Variants in PXDN observed in about 807,000 individuals in gnomAD.
PXDN encodes peroxidasin, also known as peroxidasin homolog.
PXDN carries 77 observed loss-of-function variants against 140.3 expected under a neutral mutation model. The ratio of observed to expected loss-of-function variants is 0.55; its 90% CI spans 0.46 to 0.66. The LOEUF is 0.66. Ranked by LOEUF, PXDN falls within the 30% of genes least tolerant of loss-of-function variation. PXDN has a pLI of 0.00. For missense variants in PXDN, 1,838 were observed against 2,039.5 expected (o/e 0.90, Z 1.90); for synonymous variants, 911 against 857.4 (o/e 1.06, Z -1.09).
rs1683973523 is a variant in PXDN, at chr2:1,683,604, A to T, written c.560+52T>A. 3.6e-6 allele frequency: 4 copies of T among 1,109,512 alleles called. No individual in the cohort carries two copies. The Admixed American group carries it at 1.3e-4, about 37-fold the overall frequency. 68.7% of individuals were successfully genotyped at this position (1,109,512 alleles called of 1,614,324 possible). ...AAAAAGAACCAGGTGAATAGATAACAGAGAGAAAGAAGGCTTTGCAGCAAA... is the reference window on the plus strand; with the variant it reads ...AAAAAGAACCAGGTGAATAGATAACTGAGAGAAAGAAGGCTTTGCAGCAAA... On this transcript the variant is annotated intron_variant, in intron 6 of 22. Transcript: ENST00000252804.
At chr2:1,744,748 C>G (rs915018412), upstream of PXDN, 4 of 264,422 alleles carry the variant, frequency 1.5e-5, no homozygotes, top group Admixed American at 1.1e-4. Flanking sequence ...ATTCTGCGCT[C>G]GAGACTCGGG....
chr2:1,725,962 A>G (rs1292416757), intron 1 of PXDN, among the ~76,000 whole-genome samples: 1 of 149,590 alleles, frequency 6.7e-6, no homozygotes, highest in Non-Finnish European at 1.5e-5. Context: ...AAATAGGAAC[A>G]CTTTTACACC....
rs752768393 is a variant in PXDN, at chr2:1,649,662, G to A, written c.2118C>T (p.Asn706=). 8.7e-6 allele frequency: 14 copies of A among 1,613,872 alleles called. No homozygotes were observed. The South Asian group carries it at 1.1e-4, about 13-fold the overall frequency. ...TCAGGTACTGTGGAGACACCAGGTC[G>A]TTGTAGTGGTAACCTGGGACGTGGA... The part of the protein sequence containing the change: ...VDLNGTSYHY[N]DLVSPQYLNL... Residue 706 remains asparagine (N), a synonymous_variant, in exon 17 of 23, where the codon AAC becomes AAT. Transcript: ENST00000252804. This position sits in a 1 kb window ranked among gnomAD's most constrained non-coding sequence, Gnocchi z 7.1.
In PXDN at chr2:1,744,330, G is replaced by A; in HGVS notation, c.126C>T (p.Cys42=). 6.5e-7 allele frequency: 1 copy of A among 1,528,242 alleles called. No individual in the cohort carries two copies. The highest frequency in any genetic ancestry group is 8.7e-7 in the Non-Finnish European group (1 of 1,143,946). 94.7% of individuals were successfully genotyped at this position (1,528,242 alleles called of 1,614,324 possible). Residue 42 remains cysteine, a synonymous_variant, in exon 1 of 23, where the codon TGC becomes TGT. Transcript: ENST00000252804. Reference sequence around the variant, plus strand: ...GCATGCAGCGCACGGTGGTGCGGAAGCACAGGCAGCGGCTCGGACACCCTG... The same window carrying A: ...GCATGCAGCGCACGGTGGTGCGGAAACACAGGCAGCGGCTCGGACACCCTG... ...PGAGCPSRCL[C]FRTTVRCMHL... is the part of the protein sequence containing the mutation.
chr2:1,692,350 T>A (rs570282558), intron 2 of PXDN, among the ~76,000 whole-genome samples: 6 of 152,322 alleles, frequency 3.9e-5, no homozygotes, highest in African/African-American at 1.4e-4. Flanking sequence ...AAGGCAGTCA[T>A]GGTGGGAGGG....
At chr2:1,737,547 T>C (rs200101581) in intron 1 of PXDN, among the ~76,000 whole-genome samples, 1 of 9,380 alleles carries the variant, frequency 1.1e-4, no homozygotes, top group Non-Finnish European at 2.1e-4. Context: ...TATTCTTTTC[T>C]TTTTTTTTTT....
chr2:1,737,376 C>G (rs908187852), intron 1 of PXDN, among the ~76,000 whole-genome samples: 1 of 152,022 alleles, frequency 6.6e-6, no homozygotes, highest in Non-Finnish European at 1.5e-5. Context: ...ATAATCTAAC[C>G]CACGAAACAG....
intron 1 of PXDN, among the ~76,000 whole-genome samples, chr2:1,694,178 T>C (rs760128813): frequency 2.0e-5 from 3 of 152,178 alleles, no homozygotes; most frequent in Non-Finnish European, 2.9e-5. Flanking sequence ...GAACTGTGTC[T>C]CCCCGAAATC....
At chr2:1,640,316 T>C (rs1405506525) in intron 19 of PXDN, among the ~76,000 whole-genome samples, 2 of 152,260 alleles carry the variant, frequency 1.3e-5, no homozygotes, top group Non-Finnish European at 2.9e-5. Context: ...AGGGCAAATA[T>C]GGACCTTTGC....
At chr2:1,715,714 T>C (rs765751605) in intron 1 of PXDN, among the ~76,000 whole-genome samples, 1 of 152,262 alleles carries the variant, frequency 6.6e-6, no homozygotes. Context: ...AGTGGACCAC[T>C]TTCCAGGCTC....
intron 1 of PXDN, among the ~76,000 whole-genome samples, chr2:1,698,431 C>T (rs150991685): frequency 3.9e-5 from 6 of 152,172 alleles, no homozygotes; most frequent in South Asian, 2.1e-4. Flanking sequence ...AACAAAGGCA[C>T]GTCCTGGGGA....
At position 1,648,421 on chromosome 2, in the gene PXDN, C is replaced by T. The variant is rs1389281653; in HGVS notation, c.3359G>A (p.Gly1120Glu). Residue 1120 changes from glycine (G) to glutamate (E), a missense_variant, in exon 17 of 23, where the codon GGG becomes GAG. By Grantham distance (98) the Gly-to-Glu change is moderately conservative (BLOSUM62 -2). Coordinates refer to ENST00000252804, the MANE Select transcript of PXDN (RefSeq NM_012293.3). The surrounding 1 kb of genome is among the most constrained non-coding windows in gnomAD (Gnocchi z 8.9). ...CATTTTCCCCGCCACCCCGAACAGC[C>T]CCCTGAGAAGCGGATCGATGCCGCC... is the stretch of plus-strand genomic sequence containing the variant. ...NEGGIDPLLR[G>E]LFGVAGKMRV... 6.2e-7 allele frequency: 1 copy of T among 1,611,510 alleles called. No homozygotes were observed. Among genetic ancestry groups the T allele is most frequent in the Admixed American group, 1.7e-5 (1 of 60,018 alleles).
chr2:1,738,958 G>A (rs1014851913), intron 1 of PXDN, among the ~76,000 whole-genome samples: 4 of 152,110 alleles, frequency 2.6e-5, no homozygotes, highest in Non-Finnish European at 5.9e-5. Flanking sequence ...TCTGTGCCAC[G>A]GAGGCTGCTG....
intron 14 of PXDN, among the ~76,000 whole-genome samples, chr2:1,658,031 T>TCGCTCTCTCGCG (rs1194597994): frequency 3.8e-4 from 1 of 2,640 alleles, no homozygotes. Context: ...CTGTGGGCTC[T>TCGCTCTCTCGCG]CTCTCTCTCT....
chr2:1,703,010 A>AGGGG (rs1310262318), intron 1 of PXDN, among the ~76,000 whole-genome samples: 1 of 69,902 alleles, frequency 1.4e-5, no homozygotes, highest in Non-Finnish European at 2.5e-5. Context: ...CTCCAGGTGA[A>AGGGG]GGGGGGACAG....
At chr2:1,691,661 T>C (rs1463455780) in intron 3 of PXDN, among the ~76,000 whole-genome samples, 2 of 152,188 alleles carry the variant, frequency 1.3e-5, no homozygotes, top group African/African-American at 4.8e-5. Flanking sequence ...TCCAGAGCGA[T>C]TTTCAGAGGC....
rs1305003148 is a variant in PXDN at position 1,660,931 on chromosome 2, G to A, written c.1787C>T (p.Ala596Val). ...CGAGGCCGACCCAATGGTGTTCCGG[G>A]CCACACACTCATAGCGACCTGCGTC... The part of the protein sequence containing the change: ...PADAGRYECV[A>V]RNTIGSASVS... Residue 596 changes from alanine (A) to valine (V), a missense_variant, in exon 14 of 23, where the codon GCC becomes GTC. Transcript: ENST00000252804. This position sits in a 1 kb window ranked among gnomAD's most constrained non-coding sequence, Gnocchi z 4.6. 4 of 1,613,850 alleles carry A rather than the reference G, an allele frequency of 2.5e-6. No individual in the cohort carries two copies. The highest frequency in any genetic ancestry group is 1.3e-5 in the African/African-American group (1 of 74,924).
At position 1,632,947 on chromosome 2, in the gene PXDN, A is replaced by G. The variant is rs1317199753; in HGVS notation, c.*1257T>C. On this transcript the variant is annotated 3_prime_UTR_variant, in exon 23 of 23. Coordinates refer to ENST00000252804, the MANE Select transcript of PXDN (RefSeq NM_012293.3). The surrounding 1 kb of genome is among the most constrained non-coding windows in gnomAD (Gnocchi z 4.3). The stretch of plus-strand genomic sequence containing the variant: ...CTGCACTGAAGCTGTGTGTTCGGGG[A>G]AAGGTTGCTCAGAACACAGATCGCT... 6.6e-6 allele frequency: 1 copy of G among 152,566 alleles called. No individual in the cohort carries two copies. The highest frequency in any genetic ancestry group is 2.4e-5 in the African/African-American group (1 of 41,440). 9.5% of individuals were successfully genotyped at this position (152,566 alleles called of 1,614,324 possible).
chr2:1,738,319 G>T (rs4853840), intron 1 of PXDN, among the ~76,000 whole-genome samples: 11 of 152,122 alleles, frequency 7.2e-5, no homozygotes, highest in African/African-American at 2.7e-4. Flanking sequence ...TCAGCTCCAG[G>T]CCCTGAGTAG....
Sources: gnomAD v4.1 joint callset for allele counts (sites outside exome capture counted in the v4.1 genomes callset) on GRCh38, gnomAD v4.1.1 for gene constraint, Gnocchi (gnomAD v3.1) non-coding constraint, MANE v1.5 for transcripts, NCBI Gene and HGNC (gene_info 2026-07-23, HGNC 2026-07-21) for gene names.